Variants in ESRRG observed in about 807,000 individuals in gnomAD.
ESRRG encodes the protein estrogen-related receptor gamma.
ESRRG carries 13 observed loss-of-function variants against 44.0 expected under a neutral mutation model. The observed-to-expected ratio is 0.30, with a 90% CI of 0.19 to 0.47. ESRRG has a LOEUF of 0.47. Ranked by LOEUF, ESRRG falls within the 20% of genes least tolerant of loss-of-function variation. The pLI, the probability that ESRRG is intolerant of heterozygous loss-of-function variation, is 1.00. For synonymous variants in ESRRG, 215 were observed against 214.6 expected (o/e 1.00, Z -0.02); for missense variants, 395 against 580.6 (o/e 0.68, Z 3.29).
At chr1:216,562,721 G>A (rs1004313531) in intron 5 of ESRRG, among the ~76,000 whole-genome samples, 2 of 152,020 alleles carry the variant, frequency 1.3e-5, no homozygotes, top group Admixed American at 6.6e-5. Flanking sequence ...TATTTAAAAT[G>A]TGTGTATACA....
chr1:216,860,450 A>G (rs1345847497), intron 2 of ESRRG, among the ~76,000 whole-genome samples: 2 of 152,146 alleles, frequency 1.3e-5, no homozygotes, highest in Non-Finnish European at 2.9e-5. Flanking sequence ...ACCAGGGCAT[A>G]TCATAACCTA....
chr1:216,634,406 T>A (rs2064872864), intron 3 of ESRRG, among the ~76,000 whole-genome samples: 1 of 152,048 alleles, frequency 6.6e-6, no homozygotes, highest in African/African-American at 2.4e-5. Context: ...GCTTTTATTT[T>A]TTTTTTTCTC....
chr1:216,976,191 T>TA (rs1215411141), intron 1 of ESRRG, among the ~76,000 whole-genome samples: 1 of 151,900 alleles, frequency 6.6e-6, no homozygotes, highest in African/African-American at 2.4e-5. Context: ...TAGATAAATA[T>TA]AAAAAATACA....
chr1:217,116,457 C>T (rs888918473), intron 1 of ESRRG, among the ~76,000 whole-genome samples: 4 of 152,138 alleles, frequency 2.6e-5, no homozygotes, highest in African/African-American at 9.7e-5. Flanking sequence ...TGTAAAGATG[C>T]CTACTTGAAA....
At chr1:217,102,796 A>G (rs1185728048) in intron 1 of ESRRG, among the ~76,000 whole-genome samples, 1 of 152,142 alleles carries the variant, frequency 6.6e-6, no homozygotes, top group Non-Finnish European at 1.5e-5. Context: ...CATAAACATC[A>G]TTTCTACACA....
intron 1 of ESRRG, among the ~76,000 whole-genome samples, chr1:217,129,107 A>G (rs1369645160): frequency 6.6e-6 from 1 of 152,246 alleles, no homozygotes; most frequent in African/African-American, 2.4e-5. Flanking sequence ...AGGATTTAAT[A>G]TTCGGAATAT....
At chr1:216,641,732 G>A (rs1209208130) in intron 3 of ESRRG, among the ~76,000 whole-genome samples, 2 of 152,226 alleles carry the variant, frequency 1.3e-5, no homozygotes, top group Admixed American at 6.5e-5. Flanking sequence ...AACAGCTTCA[G>A]TACTACTGAT....
At chr1:216,516,271 G>A (rs567265267) in intron 6 of ESRRG, among the ~76,000 whole-genome samples, 1 of 152,186 alleles carries the variant, frequency 6.6e-6, no homozygotes, top group Admixed American at 6.6e-5. Flanking sequence ...GAAAACTGCA[G>A]AATTATAACA....
At chr1:217,080,473 C>T (rs1426301352) in intron 1 of ESRRG, among the ~76,000 whole-genome samples, 1 of 152,128 alleles carries the variant, frequency 6.6e-6, no homozygotes, top group East Asian at 1.9e-4. Context: ...GACTCATCAT[C>T]AAACTCCCTG....
chr1:217,071,551 G>A (rs945041527), intron 1 of ESRRG, among the ~76,000 whole-genome samples: 1 of 152,194 alleles, frequency 6.6e-6, no homozygotes, highest in African/African-American at 2.4e-5. Context: ...ACAGTAAGGA[G>A]CAGATACTAT....
chr1:216,868,880 T>G (rs2149187461), intron 2 of ESRRG, among the ~76,000 whole-genome samples: 1 of 152,328 alleles, frequency 6.6e-6, no homozygotes, highest in South Asian at 2.1e-4. Context: ...TTAAAATGTC[T>G]GTTCAAGTCT....
At chr1:217,042,038 C>T (rs1375590380) in intron 1 of ESRRG, among the ~76,000 whole-genome samples, 5 of 152,086 alleles carry the variant, frequency 3.3e-5, no homozygotes, top group Non-Finnish European at 7.4e-5. Flanking sequence ...TTTTGATGGT[C>T]CCTGATAGCA....
chr1:217,035,319 CAAAAA>C (rs397709457), intron 1 of ESRRG, among the ~76,000 whole-genome samples: 2 of 75,172 alleles, frequency 2.7e-5, no homozygotes, highest in African/African-American at 5.2e-5. Context: ...GACTCTGTCT[CAAAAA>C]AAAAAAAAAA....
At chr1:216,749,448 G>A (rs11572650) in intron 2 of ESRRG, among the ~76,000 whole-genome samples, 9 of 152,136 alleles carry the variant, frequency 5.9e-5, no homozygotes, top group African/African-American at 9.7e-5. Flanking sequence ...TAGGGAATAC[G>A]CTGTGTGTGG....
intron 6 of ESRRG, among the ~76,000 whole-genome samples, chr1:216,509,934 C>T (rs1455513097): frequency 5.9e-5 from 9 of 152,138 alleles, no homozygotes; most frequent in East Asian, 1.9e-4. Flanking sequence ...TAAATTTACA[C>T]GTTGACACCA....
At chr1:216,696,412 A>G (rs1179316223) in intron 1 of ESRRG, among the ~76,000 whole-genome samples, 1 of 152,164 alleles carries the variant, frequency 6.6e-6, no homozygotes, top group East Asian at 1.9e-4. Flanking sequence ...TTCTTAAACA[A>G]CTGTATACTC....
chr1:217,065,389 G>A (rs2089456450), intron 1 of ESRRG, among the ~76,000 whole-genome samples: 1 of 152,184 alleles, frequency 6.6e-6, no homozygotes, highest in African/African-American at 2.4e-5. Flanking sequence ...GGCATTTCTA[G>A]GGGAAATTCT....
chr1:216,954,795 C>A (rs763016296), intron 1 of ESRRG, among the ~76,000 whole-genome samples: 2 of 152,136 alleles, frequency 1.3e-5, no homozygotes, highest in Non-Finnish European at 2.9e-5. Flanking sequence ...GTTGTGACAT[C>A]TCAGTAGTGA....
At chr1:216,912,521 C>A (rs2060598528) in intron 2 of ESRRG, among the ~76,000 whole-genome samples, 1 of 152,114 alleles carries the variant, frequency 6.6e-6, no homozygotes, top group African/African-American at 2.4e-5. Context: ...GGGGGATACA[C>A]ATATCTTCAC....
Sources: gnomAD v4.1 joint callset for allele counts (sites outside exome capture counted in the v4.1 genomes callset) on GRCh38, gnomAD v4.1.1 for gene constraint, MANE v1.5 for transcripts, NCBI Gene and HGNC (gene_info 2026-07-23, HGNC 2026-07-21) for gene names.